Variants in CCNL1 observed in about 807,000 individuals in gnomAD.
The protein encoded by CCNL1 is cyclin-L1.
CCNL1 carries 13 observed loss-of-function variants against 60.6 expected under a neutral mutation model. The ratio of observed to expected loss-of-function variants is 0.21; its 90% CI spans 0.14 to 0.34. CCNL1 has a LOEUF of 0.34. Among genes scored for constraint, CCNL1 ranks in the 10% least tolerant of loss-of-function variants. The pLI, the probability that CCNL1 is intolerant of heterozygous loss-of-function variation, is 1.00. For missense variants in CCNL1, 481 were observed against 664.3 expected (o/e 0.72, Z 3.03); for synonymous variants, 270 against 244.3 (o/e 1.10, Z -0.98).
At position 157,147,877 on chromosome 3, in the gene CCNL1, A is replaced by G; in HGVS notation, c.*364T>C. The G allele has an allele frequency of 1.0e-6, 1 of 1,000,812 alleles. No individual in the cohort carries two copies. The highest frequency in any genetic ancestry group is 1.2e-6 in the Non-Finnish European group (1 of 840,184). 62.0% of individuals were successfully genotyped at this position (1,000,812 alleles called of 1,614,324 possible). A position where few individuals can be genotyped will look rare whatever the true frequency, so the allele number is the denominator to read the frequency against. On this transcript the variant is annotated 3_prime_UTR_variant, in exon 11 of 11. Coordinates refer to ENST00000295926, the MANE Select transcript of CCNL1 (RefSeq NM_020307.4). ...ACAAACCAGTGTTAAGAAAGTATTC[A>G]CCATCATTTAAACAAATAACCACTT...
chr3:157,148,147 A>G lies in CCNL1; in HGVS notation c.*94T>C. On this transcript the variant is annotated 3_prime_UTR_variant, in exon 11 of 11. Transcript: ENST00000295926. ...AGAGGGTTTCAAGAAATCAAATCCT[A>G]ATCAGTTTGCGTTTAATGTTTTTGA... is the stretch of plus-strand genomic sequence containing the variant. 3 of 1,488,584 alleles carry G rather than the reference A, an allele frequency of 2.0e-6. No homozygotes were observed. The highest frequency in any genetic ancestry group is 1.4e-5 in the South Asian group (1 of 70,566). 92.2% of individuals were successfully genotyped at this position (1,488,584 alleles called of 1,614,324 possible). A position where few individuals can be genotyped will look rare whatever the true frequency, so the allele number is the denominator to read the frequency against.
chr3:157,157,513 A>T (rs531061970), intron 3 of CCNL1, among the ~76,000 whole-genome samples: 1 of 152,352 alleles, frequency 6.6e-6, no homozygotes, highest in Non-Finnish European at 1.5e-5. Context: ...GACTAAAGAT[A>T]GAGCCTTGTA....
chr3:157,156,832 T>A, intron 3 of CCNL1: 5 of 965,976 alleles, frequency 5.2e-6, no homozygotes, highest in Non-Finnish European at 6.9e-6. Flanking sequence ...CATTAACCTA[T>A]GCAAAAATAA....
Position 157,147,823 on chromosome 3 carries a change from T to C in CCNL1, c.*418A>G. On this transcript the variant is annotated 3_prime_UTR_variant, in exon 11 of 11. Transcript: ENST00000295926. ...TAGAAAAAACAAGATTTGTATTTTA[T>C]TTCCTTGTAAAAATCTTTACACATG... is the stretch of plus-strand genomic sequence containing the variant. 5.1e-6 allele frequency: 5 copies of C among 987,120 alleles called. No homozygotes were observed. Among genetic ancestry groups the C allele is most frequent in the Non-Finnish European group, 6.0e-6 (5 of 830,680 alleles). The allele number at this position is 987,120 out of a possible 1,614,324, so 61.1% of individuals were successfully genotyped here.
At chr3:157,149,442 TA>T (rs1172733651) in intron 9 of CCNL1, 42 bp downstream of exon 9, 1 of 1,606,618 alleles carries the variant, frequency 6.2e-7, no homozygotes, top group Non-Finnish European at 8.5e-7. Context: ...AGTAAACACA[TA>T]AAAGATTCCT....
intron 5 of CCNL1, chr3:157,150,644 C>G: frequency 1.7e-6 from 2 of 1,153,870 alleles, no homozygotes; most frequent in East Asian, 4.1e-5. Context: ...AGAAATTACT[C>G]CTAAAAAGTT....
At chr3:157,159,355 G>A (rs1369491059) in intron 2 of CCNL1, 50 bp downstream of exon 2, 5 of 1,554,030 alleles carry the variant, frequency 3.2e-6, no homozygotes, top group South Asian at 1.1e-5. Context: ...CCCCTACTCT[G>A]CCCATTTCCG....
At chr3:157,159,643 CCGGCACGCCCCGGCCG>C (rs1738920619) in intron 1 of CCNL1, 133 bp downstream of exon 1, 1 of 993,184 alleles carries the variant, frequency 1.0e-6, no homozygotes, top group Non-Finnish European at 1.4e-6. Flanking sequence ...GCCCCCCGCC[CCGGCACGCCCCGGCCG>C]CGGCTGGGCC....
At chr3:157,154,973 T>TACATAC (rs1560200025) in intron 3 of CCNL1, among the ~76,000 whole-genome samples, 4 of 130,682 alleles carry the variant, frequency 3.1e-5, no homozygotes, top group African/African-American at 9.4e-5. Flanking sequence ...TACATACATA[T>TACATAC]AAACATATTC....
At chr3:157,158,807 T>C in intron 3 of CCNL1, 59 bp downstream of exon 3, 1 of 1,045,812 alleles carries the variant, frequency 9.6e-7, no homozygotes, top group Non-Finnish European at 1.4e-6. Context: ...TTTGATTTGA[T>C]GACTGGTGCA....
At chr3:157,159,120 A>G (rs982169774) in intron 2 of CCNL1, 145 bp from the exon 3 acceptor site, 1 of 640,858 alleles carries the variant, frequency 1.6e-6, no homozygotes, top group Non-Finnish European at 2.7e-6. Flanking sequence ...CTAGTACTAT[A>G]CTTTTTGTTG....
Position 157,158,954 on chromosome 3 carries a change from T to C in CCNL1, c.400A>G (p.Asn134Asp), listed in dbSNP as rs772863748. 2 of 1,612,490 alleles carry C rather than the reference T, an allele frequency of 1.2e-6. No individual in the cohort carries two copies. The highest frequency in any genetic ancestry group is 2.2e-5 in the East Asian group (1 of 44,862). The change falls in exon 3 of 11, where the codon AAT (asparagine) becomes GAT (aspartate). Residue 134 changes from asparagine (N) to aspartate (D), a missense_variant. Asn to Asp is a conservative substitution (Grantham distance 23). Around this residue, in one of 5 missense-constraint regions of CCNL1, gnomAD observed 130 missense variants for 174.5 expected, o/e 0.75. Transcript: ENST00000295926. Reference protein sequence around the residue: ...SFEIVAMACINLASKIEEAPR... With the variant: ...SFEIVAMACIDLASKIEEAPR... ...GCTTCTTCGATTTTTGATGCAAGAT[T>C]AATACAAGCCATAGCAACAATCTGA...
At chr3:157,159,292 C>T (rs1441865879) in intron 2 of CCNL1, 113 bp downstream of exon 2, 2 of 944,364 alleles carry the variant, frequency 2.1e-6, no homozygotes, top group African/African-American at 1.6e-5. Context: ...GAAGTAGGTA[C>T]AAAGGCCTAA....
In CCNL1 at chr3:157,153,138, G is replaced by C. The variant is rs768575860; in HGVS notation, c.507C>G (p.Ile169Met). Residue 169 changes from isoleucine to methionine, a missense_variant, in exon 4 of 11, where the codon ATC becomes ATG. Around this residue, in one of 5 missense-constraint regions of CCNL1, gnomAD observed 130 missense variants for 174.5 expected, o/e 0.75. Coordinates refer to ENST00000295926, the MANE Select transcript of CCNL1 (RefSeq NM_020307.4). ...TGGTGTTAATGTAGTTCTGATCAAGGATCAGGGGGCTTGGAGTCCTATAGT... is the reference window on the plus strand; with the variant it reads ...TGGTGTTAATGTAGTTCTGATCAAGCATCAGGGGGCTTGGAGTCCTATAGT... ...LRGKRTPSPL[I>M]LDQNYINTKN... 1.2e-6 allele frequency: 2 copies of C among 1,613,036 alleles called. No homozygotes were observed. Among genetic ancestry groups the C allele is most frequent in the Non-Finnish European group, 1.7e-6 (2 of 1,179,460 alleles).
Position 157,152,956 on chromosome 3 carries a change from G to A in CCNL1, c.609+80C>T. The A allele has an allele frequency of 1.9e-6, 3 of 1,567,648 alleles. No individual in the cohort carries two copies. In the Admixed American group the frequency reaches 6.0e-5, roughly 31 times the overall value. On this transcript the variant is annotated intron_variant, in intron 4 of 10. Coordinates refer to ENST00000295926, the MANE Select transcript of CCNL1 (RefSeq NM_020307.4). ...TAAAACCAAGGTTAACACTCAGATA[G>A]AAACATAAATTCATATAAAATAAAA...
At position 157,148,404 on chromosome 3, in the gene CCNL1, C is replaced by T. The variant is rs546060937; in HGVS notation, c.1418G>A (p.Arg473Gln). ...HGHKRKKSRS[R>Q]SQSKSRDHSD... ...GTGATCCCGAGACTTGCTCTGAGAT[C>T]GAGAACGAGATTTTTTCCTTTTATG... Residue 473 changes from arginine (R) to glutamine (Q), a missense_variant, in exon 11 of 11, where the codon CGA becomes CAA. By Grantham distance (43) the Arg-to-Gln change is conservative (BLOSUM62 1). Around this residue, in one of 5 missense-constraint regions of CCNL1, gnomAD observed 197 missense variants for 233.9 expected, o/e 0.84. Transcript: ENST00000295926. 6 of 1,614,110 alleles carry T rather than the reference C, an allele frequency of 3.7e-6. No individual in the cohort carries two copies. Among genetic ancestry groups the T allele is most frequent in the Non-Finnish European group, 1.7e-6 (2 of 1,180,022 alleles).
Position 157,148,082 on chromosome 3 carries a change from T to G in CCNL1, c.*159A>C. The G allele has an allele frequency of 1.4e-6, 2 of 1,399,190 alleles. No individual in the cohort carries two copies. Among genetic ancestry groups the G allele is most frequent in the Non-Finnish European group, 1.9e-6 (2 of 1,079,926 alleles). The allele number at this position is 1,399,190 out of a possible 1,614,324, so 86.7% of individuals were successfully genotyped here. A position where few individuals can be genotyped will look rare whatever the true frequency, so the allele number is the denominator to read the frequency against. On this transcript the variant is annotated 3_prime_UTR_variant, in exon 11 of 11. Transcript: ENST00000295926. ...TTAATGTGCAAAAAAATTAACATAG[T>G]TCTTTTCAAAAGAAACTGTCCTCAG... is the stretch of plus-strand genomic sequence containing the variant.
Position 157,150,357 on chromosome 3 carries a change from T to G in CCNL1, c.699A>C (p.Arg233=). The change falls in exon 6 of 11, where the codon CGA becomes CGC. Residue 233 remains arginine (R), a synonymous_variant. Coordinates refer to ENST00000295926, the MANE Select transcript of CCNL1 (RefSeq NM_020307.4). ...TAWNYMNDSL[R]TNVFVRFQPE... ...GTTGAAATCGAACAAACACATTGGT[T>G]CGAAGACTGTCATTCATGTAATTCC... The G allele has an allele frequency of 6.2e-7, 1 of 1,613,930 alleles. No individual in the cohort carries two copies. Among genetic ancestry groups the G allele is most frequent in the Non-Finnish European group, 8.5e-7 (1 of 1,179,838 alleles).
downstream of CCNL1, chr3:157,146,541 G>A (rs930441185): frequency 2.2e-6 from 1 of 450,046 alleles, no homozygotes; most frequent in African/African-American, 2.0e-5. Flanking sequence ...TTGGGAGGCT[G>A]AGGTGGGAGG....
Sources: gnomAD v4.1 joint callset for allele counts (sites outside exome capture counted in the v4.1 genomes callset) on GRCh38, gnomAD v4.1.1 for gene constraint, gnomAD v4.1.1 regional missense constraint, MANE v1.5 for transcripts, NCBI Gene and HGNC (gene_info 2026-07-23, HGNC 2026-07-21) for gene names.